The following GRIK1 variants were observed in gnomAD, a reference collection of about 807,000 sequenced individuals.
GRIK1 encodes the protein glutamate receptor ionotropic, kainate 1.
GRIK1 carries 69 observed loss-of-function variants against 105.7 expected under a neutral mutation model. That is an observed-to-expected ratio of 0.65 (90% confidence interval 0.54 to 0.80). The LOEUF is 0.80. GRIK1 is among the 30% of genes least tolerant of loss of function. The probability of loss-of-function intolerance (pLI) is 0.00; values close to 1 mark genes in which losing one functional copy is unlikely to be tolerated. For missense variants in GRIK1, 1,109 were observed against 1,167.3 expected (o/e 0.95, Z 0.73); for synonymous variants, 438 against 431.3 (o/e 1.02, Z -0.19).
intron 1 of GRIK1, among the ~76,000 whole-genome samples, chr21:29,809,026 T>C (rs1336799899): frequency 6.6e-6 from 1 of 152,202 alleles, no homozygotes; most frequent in Non-Finnish European, 1.5e-5. Flanking sequence ...AGTCAAACTT[T>C]TCTTAATTAT....
chr21:29,735,651 C>A (rs949275881), intron 1 of GRIK1, among the ~76,000 whole-genome samples: 1 of 151,914 alleles, frequency 6.6e-6, no homozygotes, highest in African/African-American at 2.4e-5. Flanking sequence ...AATCCCAGCA[C>A]TTTGGGAGGT....
At chr21:29,662,468 A>T (rs1487782325) in intron 4 of GRIK1, among the ~76,000 whole-genome samples, 1 of 152,210 alleles carries the variant, frequency 6.6e-6, no homozygotes, top group African/African-American at 2.4e-5. Flanking sequence ...TTTAACAGCA[A>T]ATTATTGAAC....
chr21:29,711,797 T>C (rs2064056406), intron 1 of GRIK1, among the ~76,000 whole-genome samples: 1 of 152,140 alleles, frequency 6.6e-6, no homozygotes, highest in Admixed American at 6.6e-5. Context: ...CCTCATTGAC[T>C]CAAAAGTTAG....
intron 1 of GRIK1, among the ~76,000 whole-genome samples, chr21:29,755,039 T>C (rs1233719454): frequency 1.3e-5 from 2 of 152,352 alleles, no homozygotes; most frequent in East Asian, 3.9e-4. Flanking sequence ...CTAATACAAG[T>C]AAGAATCTTA....
intron 1 of GRIK1, among the ~76,000 whole-genome samples, chr21:29,705,368 A>G (rs1251763306): frequency 6.6e-6 from 1 of 152,184 alleles, no homozygotes; most frequent in Non-Finnish European, 1.5e-5. Flanking sequence ...CACACTACAC[A>G]ATGACATTTG....
At chr21:29,807,952 G>C (rs1445485146) in intron 1 of GRIK1, among the ~76,000 whole-genome samples, 1 of 152,026 alleles carries the variant, frequency 6.6e-6, no homozygotes, top group Non-Finnish European at 1.5e-5. Flanking sequence ...TTCTCATTGA[G>C]GGGCTTGGTG....
intron 6 of GRIK1, among the ~76,000 whole-genome samples, chr21:29,645,273 C>T (rs548182891): frequency 4.0e-5 from 6 of 151,572 alleles, no homozygotes; most frequent in South Asian, 4.2e-4. Context: ...AATTCTAATT[C>T]GTGATGCAAA....
At chr21:29,749,931 C>T (rs939079198) in intron 1 of GRIK1, among the ~76,000 whole-genome samples, 8 of 151,906 alleles carry the variant, frequency 5.3e-5, no homozygotes, top group Non-Finnish European at 8.8e-5. Flanking sequence ...ATCAAAAGTA[C>T]GTAATCTAAA....
chr21:29,851,596 G>A (rs1490003568), intron 1 of GRIK1, among the ~76,000 whole-genome samples: 3 of 152,154 alleles, frequency 2.0e-5, no homozygotes, highest in Non-Finnish European at 4.4e-5. Context: ...TCCTGGTTCT[G>A]ACTCCTACCA....
intron 6 of GRIK1, among the ~76,000 whole-genome samples, chr21:29,647,095 C>T (rs570230182): frequency 1.3e-5 from 2 of 152,308 alleles, no homozygotes; most frequent in South Asian, 2.1e-4. Flanking sequence ...CTGCCTGGCT[C>T]GGCTTCCCAA....
At chr21:29,808,585 A>C (rs2066925010) in intron 1 of GRIK1, among the ~76,000 whole-genome samples, 1 of 152,208 alleles carries the variant, frequency 6.6e-6, no homozygotes. Context: ...AATAAGAATT[A>C]CATAAAGCAA....
At chr21:29,813,770 T>G (rs2067075243) in intron 1 of GRIK1, among the ~76,000 whole-genome samples, 2 of 152,104 alleles carry the variant, frequency 1.3e-5, no homozygotes, top group African/African-American at 4.8e-5. Flanking sequence ...TGATTTGATC[T>G]CCTTACATAA....
intron 3 of GRIK1, among the ~76,000 whole-genome samples, chr21:29,688,943 G>A (rs1433522231): frequency 1.3e-5 from 2 of 152,128 alleles, no homozygotes; most frequent in Admixed American, 6.6e-5. Context: ...AGTGAGGGAA[G>A]CTAGTGCCTG....
chr21:29,634,928 C>T (rs1383870954), intron 7 of GRIK1, among the ~76,000 whole-genome samples: 2 of 152,126 alleles, frequency 1.3e-5, no homozygotes, highest in Middle Eastern at 3.2e-3. Context: ...GGTAGAATAC[C>T]TACTGCACAT....
chr21:29,576,544 G>GA (rs2090898855), intron 14 of GRIK1, among the ~76,000 whole-genome samples: 1 of 152,102 alleles, frequency 6.6e-6, no homozygotes, highest in Admixed American at 6.5e-5. Flanking sequence ...GTACAGGACC[G>GA]AAAGAACAAA....
At chr21:29,733,502 A>C (rs2064692913) in intron 1 of GRIK1, among the ~76,000 whole-genome samples, 1 of 151,746 alleles carries the variant, frequency 6.6e-6, no homozygotes, top group Admixed American at 6.6e-5. Context: ...CTAATCCCCT[A>C]ATTTTTTTTT....
At chr21:29,899,223 A>C (rs2070296058) in intron 1 of GRIK1, among the ~76,000 whole-genome samples, 1 of 152,222 alleles carries the variant, frequency 6.6e-6, no homozygotes. Context: ...ATTAGGTCTG[A>C]GGTCATTCAG....
chr21:29,715,788 A>G (rs1386567437), intron 1 of GRIK1, among the ~76,000 whole-genome samples: 2 of 151,638 alleles, frequency 1.3e-5, no homozygotes, highest in Non-Finnish European at 2.9e-5. Context: ...AATATTTCTA[A>G]AAATATAAAC....
intron 7 of GRIK1, among the ~76,000 whole-genome samples, chr21:29,600,881 C>T (rs545824009): frequency 3.7e-4 from 56 of 152,320 alleles, no homozygotes; most frequent in Admixed American, 1.2e-3. Flanking sequence ...ACCAGATTCA[C>T]GGTCCCCAAG....
Sources: allele counts gnomAD v4.1 joint callset (sites outside exome capture counted in the v4.1 genomes callset), GRCh38; gene constraint gnomAD v4.1.1; transcripts MANE v1.5; gene names NCBI Gene and HGNC (gene_info 2026-07-23, HGNC 2026-07-21).